TBX15: variants seen among roughly 807,000 people sequenced by gnomAD.
TBX15 encodes T-box transcription factor 15, also known as T-box transcription factor TBX15.
In TBX15, 18 loss-of-function variants were observed where a neutral mutation model predicts 53.9. The observed-to-expected ratio is 0.33, with a 90% confidence interval of 0.23 to 0.49. The LOEUF (loss-of-function observed/expected upper bound fraction) is 0.49. Among genes scored for constraint, TBX15 ranks in the 20% least tolerant of loss-of-function variants. The pLI, the probability that TBX15 is intolerant of heterozygous loss-of-function variation, is 0.98. For missense variants in TBX15, 692 were observed against 749.5 expected (o/e 0.92, Z 0.90); for synonymous variants, 295 against 278.0 (o/e 1.06, Z -0.61).
intron 6 of TBX15, among the ~76,000 whole-genome samples, chr1:118,910,746 C>T (rs761671373): frequency 1.1e-4 from 17 of 152,164 alleles, no homozygotes; most frequent in Non-Finnish European, 2.5e-4. Flanking sequence ...ACAAAAATGG[C>T]TTCTATCTTT....
chr1:118,904,584 G>T (rs1366835791), intron 6 of TBX15, among the ~76,000 whole-genome samples: 1 of 152,186 alleles, frequency 6.6e-6, no homozygotes, highest in African/African-American at 2.4e-5. Flanking sequence ...GATGCCTGGA[G>T]TTGAGTTAAA....
intron 6 of TBX15, among the ~76,000 whole-genome samples, chr1:118,899,473 T>G (rs952330925): frequency 1.7e-4 from 26 of 152,138 alleles, no homozygotes; most frequent in Non-Finnish European, 3.7e-4. Context: ...AAAGTAACAT[T>G]GACTGCTTCT....
intron 6 of TBX15, 36 bp downstream of exon 6, chr1:118,914,079 A>AT: frequency 1.2e-6 from 2 of 1,608,428 alleles, no homozygotes; most frequent in Non-Finnish European, 1.7e-6. Flanking sequence ...GTAATGTCAC[A>AT]TAGAAAAGAA....
intron 1 of TBX15, among the ~76,000 whole-genome samples, chr1:118,951,755 T>C (rs1488688400): frequency 6.6e-6 from 1 of 152,178 alleles, no homozygotes; most frequent in African/African-American, 2.4e-5. Context: ...ACTCAAAAGG[T>C]CACCAACTTG....
At chr1:118,955,143 C>T (rs750900229) in intron 1 of TBX15, among the ~76,000 whole-genome samples, 13 of 152,168 alleles carry the variant, frequency 8.5e-5, no homozygotes, top group Non-Finnish European at 1.2e-4. Flanking sequence ...CATGGAAGAT[C>T]AGTTAGCCCA....
chr1:118,935,206 T>C (rs1416275402), intron 1 of TBX15, among the ~76,000 whole-genome samples: 1 of 152,138 alleles, frequency 6.6e-6, no homozygotes, highest in African/African-American at 2.4e-5. Flanking sequence ...TTATAGAAAA[T>C]ATTTTGGCTA....
chr1:118,927,484 CCAAA>C (rs1275845452), intron 2 of TBX15, among the ~76,000 whole-genome samples: 11 of 152,114 alleles, frequency 7.2e-5, no homozygotes, highest in Non-Finnish European at 1.0e-4. Flanking sequence ...CTACCAGTCT[CCAAA>C]CAAAGAGCCA....
At chr1:118,913,051 A>C (rs1317298641) in intron 6 of TBX15, among the ~76,000 whole-genome samples, 1 of 152,232 alleles carries the variant, frequency 6.6e-6, no homozygotes, top group Admixed American at 6.5e-5. Context: ...CATTTTGTAA[A>C]GAAAATGATT....
intron 3 of TBX15, 79 bp from the exon 4 acceptor site, chr1:118,924,896 G>A (rs1357370834): frequency 6.6e-7 from 1 of 1,503,804 alleles, no homozygotes; most frequent in Non-Finnish European, 9.3e-7. Context: ...AGTTGAGACA[G>A]GGGAAAGGAG....
intron 1 of TBX15, among the ~76,000 whole-genome samples, chr1:118,955,199 C>T (rs1656642757): frequency 6.6e-6 from 1 of 151,878 alleles, no homozygotes; most frequent in Non-Finnish European, 1.5e-5. Flanking sequence ...TGTAGAAGCT[C>T]CCTTCTTTTA....
intron 6 of TBX15, among the ~76,000 whole-genome samples, chr1:118,912,768 G>A (rs192873488): frequency 6.6e-5 from 10 of 152,218 alleles, no homozygotes; most frequent in East Asian, 1.9e-4. Flanking sequence ...TGAAAATGAC[G>A]GCCTTTGTCT....
rs1454545387 is a variant in TBX15, at chr1:118,885,443, T to C, written c.1098A>G (p.Leu366=). The C allele has an allele frequency of 1.2e-6, 2 of 1,611,814 alleles. No individual in the cohort carries two copies. Among genetic ancestry groups the C allele is most frequent in the East Asian group, 2.2e-5 (1 of 44,718 alleles). ...TPSPSASSHL[L]SPSCSPPTFH... is the part of the protein sequence containing the mutation. ...AAGTTGGAGGAGAACAGGATGGAGA[T>C]AAAAGATGAGAAGAAGCCGAAGGGG... is the stretch of plus-strand genomic sequence containing the variant. The change falls in exon 8 of 8, where the codon TTA becomes TTG. Residue 366 remains leucine, a synonymous_variant. Coordinates refer to ENST00000369429, the MANE Select transcript of TBX15 (RefSeq NM_001330677.2).
At chr1:118,906,903 A>G (rs957504463) in intron 6 of TBX15, among the ~76,000 whole-genome samples, 3 of 152,104 alleles carry the variant, frequency 2.0e-5, no homozygotes, top group Admixed American at 6.6e-5. Context: ...TGCAAGCCCT[A>G]TTGTTTCTTC....
At chr1:118,955,846 A>G (rs763972138) in intron 1 of TBX15, among the ~76,000 whole-genome samples, 10 of 152,220 alleles carry the variant, frequency 6.6e-5, no homozygotes, top group Non-Finnish European at 1.3e-4. Context: ...TAGTTCAGGT[A>G]TAAAAGATCG....
Position 118,884,893 on chromosome 1 carries a change from C to T in TBX15, c.1648G>A (p.Gly550Arg), listed in dbSNP as rs576996953. The change falls in exon 8 of 8, where the codon GGG becomes AGG. Residue 550 changes from glycine (G) to arginine (R), a missense_variant. Transcript: ENST00000369429. ...STLLCSSPSN[G>R]AFGERQYLPS... ...AGGTACTGCCTCTCTCCAAAGGCCC[C>T]GTTGGAAGGAGAAGAACAGAGTAAA... 1 of 1,614,164 alleles carries T rather than the reference C, an allele frequency of 6.2e-7. No individual in the cohort carries two copies. The highest frequency in any genetic ancestry group is 1.3e-5 in the African/African-American group (1 of 75,048).
At chr1:118,906,631 C>T (rs1654839636) in intron 6 of TBX15, among the ~76,000 whole-genome samples, 1 of 152,172 alleles carries the variant, frequency 6.6e-6, no homozygotes, top group Non-Finnish European at 1.5e-5. Context: ...CAGATATTTT[C>T]TCCACCTCCC....
chr1:118,969,951 A>T (rs1416580411), intron 1 of TBX15, among the ~76,000 whole-genome samples: 2 of 152,114 alleles, frequency 1.3e-5, no homozygotes, highest in Admixed American at 6.5e-5. Context: ...ACCTGATGGG[A>T]GGTGATTGGA....
chr1:118,893,093 G>C (rs1036926252), intron 7 of TBX15, among the ~76,000 whole-genome samples: 1 of 151,730 alleles, frequency 6.6e-6, no homozygotes, highest in Non-Finnish European at 1.5e-5. Context: ...ACAAAAATTA[G>C]CCAGGCATGG....
chr1:118,989,334 G>A (rs1227876762), upstream of TBX15: 1 of 152,148 alleles, frequency 6.6e-6, no homozygotes, highest in Non-Finnish European at 1.5e-5. Flanking sequence ...CAACGCTCCT[G>A]GCCATTCTTA....
Sources: allele counts gnomAD v4.1 joint callset (sites outside exome capture counted in the v4.1 genomes callset), GRCh38; gene constraint gnomAD v4.1.1; transcripts MANE v1.5; gene names NCBI Gene and HGNC (gene_info 2026-07-23, HGNC 2026-07-21).